The following TANK variants were observed in gnomAD, a reference collection of about 807,000 sequenced individuals.
TANK encodes TRAF family member associated NFKB activator.
A neutral mutation model predicts 43.6 loss-of-function variants in TANK; 15 were observed. The observed-to-expected ratio is 0.34, with a 90% CI of 0.23 to 0.53. TANK has a LOEUF of 0.53. Ranked by LOEUF, TANK falls within the 20% of genes least tolerant of loss-of-function variation. TANK has a pLI of 0.94. For synonymous variants in TANK, 162 were observed against 178.2 expected (o/e 0.91, Z 0.73); for missense variants, 417 against 498.6 (o/e 0.84, Z 1.56).
intron 7 of TANK, among the ~76,000 whole-genome samples, chr2:161,234,744 G>T: frequency 6.6e-6 from 1 of 152,174 alleles, no homozygotes; most frequent in African/African-American, 2.4e-5. Flanking sequence ...TTTGTTGAAT[G>T]ATTAAATATT....
chr2:161,156,518 G>A (rs902691360), upstream of TANK, among the ~76,000 whole-genome samples: 2 of 152,218 alleles, frequency 1.3e-5, no homozygotes, highest in Admixed American at 1.3e-4. Context: ...CACTTTCTTT[G>A]TATTTTGAAG....
At chr2:161,161,015 G>A in intron 1 of TANK, 2 of 497,014 alleles carry the variant, frequency 4.0e-6, no homozygotes, top group Non-Finnish European at 7.3e-6. Flanking sequence ...GAGAAGTTGG[G>A]TAACTTCCCA....
intron 6 of TANK, among the ~76,000 whole-genome samples, chr2:161,226,736 TGATAAA>T (rs1292268091): frequency 6.6e-6 from 1 of 152,094 alleles, no homozygotes; most frequent in Non-Finnish European, 1.5e-5. Flanking sequence ...ACTTAAGAAA[TGATAAA>T]GATAAAATGT....
At chr2:161,160,676 C>G in intron 1 of TANK, 190 bp downstream of exon 1, 1 of 450,838 alleles carries the variant, frequency 2.2e-6, no homozygotes. Context: ...GCGAGTCCTT[C>G]CCCCGGAGCG....
rs75157140 is a variant in TANK at position 161,201,178 on chromosome 2, T to C, written c.100-2309T>C. On this transcript the variant is annotated intron_variant, in intron 2 of 7. Transcript: ENST00000392749. Reference sequence around the variant, plus strand: ...TGGTTTTTAAAATTATTGTAGACTTTGCTCGACCTTTATAATACTTTATTA... The same window carrying C: ...TGGTTTTTAAAATTATTGTAGACTTCGCTCGACCTTTATAATACTTTATTA... The C allele has an allele frequency of 2.0e-3, 1,975 of 985,360 alleles. 30 individuals are homozygous for C. In the African/African-American group the frequency reaches 0.032, roughly 16 times the overall value. 61.0% of individuals were successfully genotyped at this position (985,360 alleles called of 1,614,324 possible).
At chr2:161,161,408 G>C (rs550504086) in intron 1 of TANK, 11 of 1,550,854 alleles carry the variant, frequency 7.1e-6, no homozygotes, top group African/African-American at 1.4e-5. Context: ...ACACCCAAAC[G>C]AGAGGTAGCA....
At chr2:161,213,441 A>G (rs1454521212) in intron 4 of TANK, among the ~76,000 whole-genome samples, 1 of 152,042 alleles carries the variant, frequency 6.6e-6, no homozygotes, top group East Asian at 1.9e-4. Flanking sequence ...TGTCTCTACT[A>G]AGAATACAAA....
chr2:161,208,056 C>T (rs1215348686), intron 4 of TANK: 1 of 792,530 alleles, frequency 1.3e-6, no homozygotes, highest in Admixed American at 6.2e-5. Flanking sequence ...ACCCACAGTG[C>T]TTTCCTCCTT....
At chr2:161,181,274 G>A (rs917622886) in intron 2 of TANK, among the ~76,000 whole-genome samples, 1 of 152,134 alleles carries the variant, frequency 6.6e-6, no homozygotes, top group Non-Finnish European at 1.5e-5. Context: ...TACAAAATTA[G>A]CCAGGCATGG....
intron 2 of TANK, chr2:161,201,131 C>T (rs140605485): frequency 1.0e-6 from 1 of 985,322 alleles, no homozygotes; most frequent in East Asian, 1.1e-4. Flanking sequence ...GTTCTGTTTC[C>T]CTTACTATAC....
rs566555964 is a variant in TANK at position 161,200,590 on chromosome 2, C to T, written c.100-2897C>T. 1.3e-4 allele frequency: 123 copies of T among 948,994 alleles called. No individual in the cohort carries two copies. In the South Asian group the frequency reaches 3.3e-3, roughly 26 times the overall value. 58.8% of individuals were successfully genotyped at this position (948,994 alleles called of 1,614,324 possible). A position where few individuals can be genotyped will look rare whatever the true frequency, so the allele number is the denominator to read the frequency against. ...TCTCAAATTACTACCTTTTTTCTAA[C>T]GGTATAAGCTTCCCTTTTTAAAAAA... On this transcript the variant is annotated intron_variant, in intron 2 of 7. Coordinates refer to ENST00000392749, the MANE Select transcript of TANK (RefSeq NM_001199135.3).
chr2:161,172,355 C>CTTTTCTTTT (rs1553485179), intron 1 of TANK, among the ~76,000 whole-genome samples: 2 of 89,270 alleles, frequency 2.2e-5, no homozygotes, highest in African/African-American at 9.9e-5. Flanking sequence ...TTTTTTTCGG[C>CTTTTCTTTT]TTTTTTTTTT....
intron 1 of TANK, chr2:161,137,134 G>T (rs141858651): frequency 1.6e-5 from 16 of 985,414 alleles, no homozygotes; most frequent in Non-Finnish European, 1.8e-5. Context: ...AAACTGAAGT[G>T]TTGCAGATGT....
intron 1 of TANK, chr2:161,163,505 T>C (rs1684536201): frequency 6.6e-6 from 1 of 152,178 alleles, no homozygotes; most frequent in South Asian, 2.1e-4. Context: ...TCTTCTCTTC[T>C]TCAGTTATGT....
chr2:161,180,721 G>A (rs2105297343), intron 2 of TANK, among the ~76,000 whole-genome samples: 1 of 152,210 alleles, frequency 6.6e-6, no homozygotes, highest in East Asian at 1.9e-4. Flanking sequence ...CATACTCATA[G>A]TTAAGATTTA....
At position 161,236,164 on chromosome 2, in the gene TANK, TAA is replaced by T. The variant is rs1276949546; in HGVS notation, c.*647_*648del. The T allele has an allele frequency of 6.7e-5, 10 of 149,660 alleles. No individual in the cohort carries two copies. The highest frequency in any genetic ancestry group is 1.0e-4 in the Non-Finnish European group (7 of 67,750). The allele number at this position is 149,660 out of a possible 1,614,324, so 9.3% of individuals were successfully genotyped here. A position where few individuals can be genotyped will look rare whatever the true frequency, so the allele number is the denominator to read the frequency against. ...CTACATGATGAAATTAATTAAATAT[TAA>T]GAGGTACTTATGTTGTGATCATTTG... On this transcript the variant is annotated 3_prime_UTR_variant, in exon 8 of 8. Coordinates refer to ENST00000392749, the MANE Select transcript of TANK (RefSeq NM_001199135.3).
chr2:161,228,244 A>G (rs1050047785), intron 6 of TANK, among the ~76,000 whole-genome samples: 7 of 152,240 alleles, frequency 4.6e-5, no homozygotes, highest in Non-Finnish European at 4.4e-5. Context: ...TTAAAAGTTC[A>G]TATCAGCCCA....
chr2:161,194,866 A>G (rs1173495339), intron 2 of TANK, among the ~76,000 whole-genome samples: 1 of 152,040 alleles, frequency 6.6e-6, no homozygotes, highest in Non-Finnish European at 1.5e-5. Context: ...TTTTCCCCCA[A>G]CAACATATAT....
At chr2:161,154,740 G>T (rs1684176611) in intron 1 of TANK, among the ~76,000 whole-genome samples, 1 of 151,646 alleles carries the variant, frequency 6.6e-6, no homozygotes. Context: ...TAAAAATTAA[G>T]CATACACTTT....
Sources: gnomAD v4.1 joint callset for allele counts (sites outside exome capture counted in the v4.1 genomes callset) on GRCh38, gnomAD v4.1.1 for gene constraint, MANE v1.5 for transcripts, NCBI Gene and HGNC (gene_info 2026-07-23, HGNC 2026-07-21) for gene names.